Variants in CEP135 observed in about 807,000 individuals in gnomAD.
The protein encoded by CEP135 is centrosomal protein 135.
In CEP135, 142 loss-of-function variants were observed where a neutral mutation model predicts 157.3. The observed-to-expected ratio is 0.90, with a 90% CI of 0.79 to 1.04. The LOEUF is 1.04. CEP135 is among the 50% of genes least tolerant of loss of function. CEP135 has a pLI of 0.00. For synonymous variants in CEP135, 396 were observed against 439.8 expected, an observed-to-expected ratio of 0.90 and a Z score of 1.25; for missense variants, 1,317 against 1,309.2, an observed-to-expected ratio of 1.01 and a Z score of -0.09.
chr4:55,995,888 T>G (rs747745546), intron 15 of CEP135, among the ~76,000 whole-genome samples: 22 of 152,186 alleles, frequency 1.4e-4, no homozygotes, highest in Non-Finnish European at 2.6e-4. Flanking sequence ...CTGAAAATAC[T>G]GTCAGACTGT....
chr4:55,962,118 G>A (rs80286719), intron 6 of CEP135, among the ~76,000 whole-genome samples: 1 of 139,284 alleles, frequency 7.2e-6, no homozygotes, highest in African/African-American at 2.7e-5. Context: ...TTTTTTTTTT[G>A]AGACGGAGTC....
At chr4:56,010,275 A>G (rs1730532367) in intron 19 of CEP135, among the ~76,000 whole-genome samples, 1 of 150,354 alleles carries the variant, frequency 6.7e-6, no homozygotes, top group South Asian at 2.1e-4. Flanking sequence ...AGGCAGGAGA[A>G]TCACCTGAAC....
intron 6 of CEP135, among the ~76,000 whole-genome samples, chr4:55,962,063 G>C (rs1019228852): frequency 6.6e-6 from 1 of 151,824 alleles, no homozygotes; most frequent in Non-Finnish European, 1.5e-5. Flanking sequence ...CTGTGAAGAC[G>C]TACTTCTATT....
intron 13 of CEP135, among the ~76,000 whole-genome samples, chr4:55,982,428 C>G (rs1040335678): frequency 1.4e-4 from 21 of 152,128 alleles, no homozygotes; most frequent in Non-Finnish European, 8.8e-5. Flanking sequence ...ACACTCTCAC[C>G]ATTACTTGGT....
Position 55,959,744 on chromosome 4 carries a change from G to A in CEP135, c.677G>A (p.Gly226Glu). 5.6e-6 allele frequency: 9 copies of A among 1,614,002 alleles called. No homozygotes were observed. The highest frequency in any genetic ancestry group is 1.3e-5 in the African/African-American group (1 of 75,026). Residue 226 changes from glycine (G) to glutamate (E), a missense_variant, in exon 6 of 26, where the codon GGG (glycine) becomes GAG (glutamate). Transcript: ENST00000257287. ...GAAAAGTTAGCAATGATGGAAAGTGGGGTGAGAGACTATAGCAAGCAGGTA... is the reference window on the plus strand; with the variant it reads ...GAAAAGTTAGCAATGATGGAAAGTGAGGTGAGAGACTATAGCAAGCAGGTA... ...LQEKLAMMES[G>E]VRDYSKQIEL... is the part of the protein sequence containing the mutation.
At position 55,957,229 on chromosome 4, in the gene CEP135, A is replaced by G. The variant is rs757125308; in HGVS notation, c.479A>G (p.Lys160Arg). 1.2e-6 allele frequency: 2 copies of G among 1,611,004 alleles called. No individual in the cohort carries two copies. The highest frequency in any genetic ancestry group is 1.1e-5 in the South Asian group (1 of 89,994). Reference protein sequence around the residue: ...LHAVVQTPGGKKRSIAFRRQR... With the variant: ...LHAVVQTPGGRKRSIAFRRQR... ...AGACACTCATTCTTTTTAGGTGGCA[A>G]GAAAAGAAGTATTGCTTTCAGGCGC... The change falls in exon 5 of 26, where the codon AAG becomes AGG. Residue 160 changes from lysine (K) to arginine (R), a missense_variant. Coordinates refer to ENST00000257287, the MANE Select transcript of CEP135 (RefSeq NM_025009.5).
intron 4 of CEP135, among the ~76,000 whole-genome samples, chr4:55,956,413 A>G (rs1393554176): frequency 1.3e-5 from 2 of 152,212 alleles, no homozygotes; most frequent in African/African-American, 4.8e-5. Flanking sequence ...GAGGTTAAGA[A>G]AACATTCCCT....
chr4:56,019,066 GTTTTAT>G (rs1405378840), intron 22 of CEP135, among the ~76,000 whole-genome samples: 22 of 152,050 alleles, frequency 1.4e-4, no homozygotes, highest in Admixed American at 8.5e-4. Context: ...TGCCCTTGTG[GTTTTAT>G]CTTAATGACC....
chr4:56,008,442 A>AAAGC, intron 18 of CEP135, 60 bp downstream of exon 18: 1 of 1,302,812 alleles, frequency 7.7e-7, no homozygotes, highest in Non-Finnish European at 1.1e-6. Context: ...ATACAGCTTT[A>AAAGC]TCTATTCAGT....
chr4:55,999,656 G>A lies in CEP135; in HGVS notation c.2280+11G>A, dbSNP rs558137060. ...AACCTAGCTAATAAAGTATGTGATC[G>A]TTTAATGTAATTTTCCAGCATCCAA... is the stretch of plus-strand genomic sequence containing the variant. On this transcript the variant is annotated intron_variant, in intron 17 of 25. Transcript: ENST00000257287. 4.2e-5 allele frequency: 66 copies of A among 1,577,660 alleles called. No individual in the cohort carries two copies. The highest frequency in any genetic ancestry group is 3.5e-4 in the South Asian group (30 of 84,696).
At chr4:56,004,274 C>T (rs1160725330) in intron 17 of CEP135, among the ~76,000 whole-genome samples, 2 of 152,136 alleles carry the variant, frequency 1.3e-5, no homozygotes, top group Admixed American at 1.3e-4. Context: ...AGAAAAGATA[C>T]TTGATATGCT....
chr4:56,020,572 T>A, intron 23 of CEP135, 104 bp from the exon 24 acceptor site: 1 of 819,310 alleles, frequency 1.2e-6, no homozygotes, highest in Admixed American at 2.3e-5. Context: ...TAGAGAATTC[T>A]TGTTGAAAGG....
At chr4:56,009,212 A>G (rs574643077) in intron 18 of CEP135, among the ~76,000 whole-genome samples, 1 of 152,182 alleles carries the variant, frequency 6.6e-6, no homozygotes, top group East Asian at 1.9e-4. Context: ...CCCAGGCTGG[A>G]GTGCAGTGGG....
At chr4:56,004,568 T>C (rs886129404) in intron 17 of CEP135, among the ~76,000 whole-genome samples, 1 of 152,212 alleles carries the variant, frequency 6.6e-6, no homozygotes, top group Non-Finnish European at 1.5e-5. Context: ...TAATGTTTGC[T>C]TTATATACCT....
intron 3 of CEP135, 62 bp from the exon 4 acceptor site, chr4:55,954,154 T>C: frequency 7.0e-7 from 1 of 1,424,026 alleles, no homozygotes; most frequent in Admixed American, 2.5e-5. Flanking sequence ...TTTTGTGAAA[T>C]GGAAAAACTT....
chr4:55,984,770 G>T (rs1729520710), intron 13 of CEP135, among the ~76,000 whole-genome samples: 1 of 152,152 alleles, frequency 6.6e-6, no homozygotes, highest in Admixed American at 6.5e-5. Context: ...CAGTAAGTTG[G>T]ATAAAGTAAT....
At chr4:56,024,298 T>A (rs924144546) in intron 24 of CEP135, among the ~76,000 whole-genome samples, 1 of 150,716 alleles carries the variant, frequency 6.6e-6, no homozygotes, top group Non-Finnish European at 1.5e-5. Context: ...AGCAAGATGC[T>A]CCTCACTATA....
chr4:55,974,061 A>G (rs140533714), intron 10 of CEP135, among the ~76,000 whole-genome samples: 2,409 of 152,294 alleles, frequency 0.016, 33 homozygotes, highest in Middle Eastern at 0.044. Flanking sequence ...TACAATTAGA[A>G]TAGTTGTGCA....
At chr4:56,010,411 A>C (rs949448708) in intron 19 of CEP135, among the ~76,000 whole-genome samples, 2 of 150,098 alleles carry the variant, frequency 1.3e-5, no homozygotes, top group Non-Finnish European at 2.9e-5. Flanking sequence ...TCAAAAAAAA[A>C]ACACATAGCT....
Sources: allele counts gnomAD v4.1 joint callset (sites outside exome capture counted in the v4.1 genomes callset), GRCh38; gene constraint gnomAD v4.1.1; transcripts MANE v1.5; gene names NCBI Gene and HGNC (gene_info 2026-07-23, HGNC 2026-07-21).